Variants in SAE1 observed in about 807,000 individuals in gnomAD.
SAE1 encodes SUMO1 activating enzyme subunit 1, also known as SUMO-activating enzyme subunit 1.
In SAE1, 11 loss-of-function variants were observed where a neutral mutation model predicts 40.6. That is an observed-to-expected ratio of 0.27 (90% CI 0.17 to 0.45). The LOEUF (loss-of-function observed/expected upper bound fraction) is 0.45. Among genes scored for constraint, SAE1 ranks in the 20% least tolerant of loss-of-function variants. SAE1 has a pLI of 1.00. For synonymous variants in SAE1, 155 were observed against 154.3 expected (o/e 1.00, Z -0.03); for missense variants, 373 against 427.3 (o/e 0.87, Z 1.12).
intron 6 of SAE1, among the ~76,000 whole-genome samples, chr19:47,181,476 C>CTTT (rs202245801): frequency 1.4e-4 from 14 of 99,726 alleles, no homozygotes; most frequent in East Asian, 3.0e-4. Flanking sequence ...TTTTCTTTTC[C>CTTT]TTTTTTTTTT....
At chr19:47,196,757 C>T (rs1447486035) in intron 6 of SAE1, among the ~76,000 whole-genome samples, 3 of 152,000 alleles carry the variant, frequency 2.0e-5, no homozygotes, top group Non-Finnish European at 1.5e-5. Flanking sequence ...ATTGTTTCCT[C>T]GGGGAAGCCT....
At chr19:47,194,747 C>CTTTTTTTTTTTT in intron 6 of SAE1, among the ~76,000 whole-genome samples, 1 of 124,898 alleles carries the variant, frequency 8.0e-6, no homozygotes, top group African/African-American at 3.0e-5. Context: ...GTTAATCAGT[C>CTTTTTTTTTTTT]TTTTTTTTTT....
rs115094772 is a variant in SAE1, at chr19:47,199,578, T to C, written c.878+2201T>C. 4.0e-3 allele frequency among the ~76,000 whole-genome samples: 601 copies of C among 152,146 alleles called. 5 individuals carry two copies. Among genetic ancestry groups the C allele is most frequent in the African/African-American group, 0.014 (566 of 41,508 alleles). On this transcript the variant is annotated intron_variant, in intron 7 of 8. Transcript: ENST00000270225. ...TAGGAAGCAGGGCCTTCAACTCTGC[T>C]GGCCGGTGATGCAGAGCCAGACCGT...
chr19:47,196,538 AT>A (rs1275653902), intron 6 of SAE1, among the ~76,000 whole-genome samples: 1 of 145,726 alleles, frequency 6.9e-6, no homozygotes, highest in African/African-American at 2.5e-5. Flanking sequence ...TAATTTTTGT[AT>A]TTTTAGTAGA....
At chr19:47,205,369 A>G (rs2058680657) in intron 8 of SAE1, among the ~76,000 whole-genome samples, 1 of 148,026 alleles carries the variant, frequency 6.8e-6, no homozygotes, top group South Asian at 2.1e-4. Flanking sequence ...TCTCTGGTCT[A>G]AATTCTTCCT....
intron 8 of SAE1, among the ~76,000 whole-genome samples, chr19:47,204,660 C>T (rs981171156): frequency 1.3e-5 from 2 of 151,694 alleles, no homozygotes; most frequent in Non-Finnish European, 2.9e-5. Flanking sequence ...GTTCCCACCA[C>T]CACACCAGGC....
chr19:47,204,498 G>A (rs1262166963), intron 8 of SAE1, among the ~76,000 whole-genome samples: 1 of 75,584 alleles, frequency 1.3e-5, no homozygotes, highest in African/African-American at 5.7e-5. Flanking sequence ...GTACCCAGCC[G>A]CACCCCCCCC....
At chr19:47,143,679 G>T in intron 2 of SAE1, 74 bp downstream of exon 2, 2 of 1,087,574 alleles carry the variant, frequency 1.8e-6, no homozygotes, top group Non-Finnish European at 1.4e-6. Context: ...GATTTTGTGA[G>T]TTCCTCCTTG....
In SAE1 at chr19:47,130,974, A is replaced by C. The variant is rs1371594284; in HGVS notation, c.44A>C (p.Glu15Ala). Residue 15 changes from glutamate to alanine, a missense_variant, in exon 1 of 9, where the codon GAG (glutamate) becomes GCG (alanine). This residue lies in a region of SAE1 where 4 missense variants were observed against 18.7 expected (regional missense o/e 0.21). Transcript: ENST00000270225. ...EEAGGGISEE[E>A]AAQYDRQIRL... is the part of the protein sequence containing the mutation. ...GCTGGCGGCGGCATTAGCGAGGAGG[A>C]GGCGGCACAGTATGACCGGCAGATC... 1 of 1,549,128 alleles carries C rather than the reference A, an allele frequency of 6.5e-7. No individual in the cohort carries two copies. The highest frequency in any genetic ancestry group is 8.7e-7 in the Non-Finnish European group (1 of 1,146,236).
chr19:47,138,201 G>A (rs1044169590), intron 1 of SAE1, among the ~76,000 whole-genome samples: 2 of 151,950 alleles, frequency 1.3e-5, no homozygotes, highest in Admixed American at 1.3e-4. Context: ...CTGCTACCGC[G>A]CCCAGCTAAT....
intron 6 of SAE1, among the ~76,000 whole-genome samples, chr19:47,173,987 C>T (rs1348877526): frequency 7.3e-5 from 11 of 151,524 alleles, no homozygotes; most frequent in Non-Finnish European, 5.9e-5. Flanking sequence ...GGTTTCACCG[C>T]GTTAGCCAGG....
At chr19:47,163,594 G>T (rs2058372161) in intron 5 of SAE1, among the ~76,000 whole-genome samples, 1 of 152,034 alleles carries the variant, frequency 6.6e-6, no homozygotes, top group African/African-American at 2.4e-5. Context: ...GGGCATGGTG[G>T]CTCACACCTG....
intron 2 of SAE1, among the ~76,000 whole-genome samples, chr19:47,147,392 A>G (rs1212118252): frequency 6.6e-6 from 1 of 150,682 alleles, no homozygotes; most frequent in Non-Finnish European, 1.5e-5. Flanking sequence ...TTTTTTGTAG[A>G]GACTGGGTTT....
chr19:47,189,895 G>C (rs2058568910), intron 6 of SAE1, among the ~76,000 whole-genome samples: 1 of 152,192 alleles, frequency 6.6e-6, no homozygotes, highest in African/African-American at 2.4e-5. Context: ...TAATGTTGCT[G>C]TCCAGATTCC....
At chr19:47,200,172 ATCCACCTGCCTCGGCC>A (rs1234498952) in intron 7 of SAE1, among the ~76,000 whole-genome samples, 1 of 150,758 alleles carries the variant, frequency 6.6e-6, no homozygotes, top group Admixed American at 6.6e-5. Flanking sequence ...TGACCTCATG[ATCCACCTGCCTCGGCC>A]TCCCAAAGTG....
intron 1 of SAE1, among the ~76,000 whole-genome samples, chr19:47,137,711 G>A (rs1410387867): frequency 7.8e-6 from 1 of 128,164 alleles, no homozygotes; most frequent in Non-Finnish European, 1.8e-5. Context: ...GATTGTGTGT[G>A]TGTGTGTGTG....
chr19:47,184,293 ATGT>A, intron 6 of SAE1, among the ~76,000 whole-genome samples: 1 of 152,322 alleles, frequency 6.6e-6, no homozygotes, highest in Admixed American at 6.5e-5. Context: ...GAGGTTAAGA[ATGT>A]GGTGACTTTT....
In SAE1 at chr19:47,140,199, C is replaced by T. The variant is rs538364292; in HGVS notation, c.99-3295C>T. Among the ~76,000 whole-genome samples, 6 of 151,836 alleles carry T rather than the reference C, an allele frequency of 4.0e-5. No individual in the cohort carries two copies. The East Asian group carries it at 5.8e-4, about 15-fold the overall frequency. ...TCGGCTCACTGCAAACTCCACCTCC[C>T]GGGTTCACGCCATTCTCTTGCCTTA... is the stretch of plus-strand genomic sequence containing the variant. On this transcript the variant is annotated intron_variant, in intron 1 of 8. Coordinates refer to ENST00000270225, the MANE Select transcript of SAE1 (RefSeq NM_005500.3).
intron 5 of SAE1, among the ~76,000 whole-genome samples, chr19:47,165,557 G>A (rs757559519): frequency 2.0e-5 from 3 of 152,172 alleles, no homozygotes; most frequent in Non-Finnish European, 4.4e-5. Context: ...GTTCATTCCA[G>A]TGGATAGTGG....
Sources: gnomAD v4.1 joint callset for allele counts (sites outside exome capture counted in the v4.1 genomes callset) on GRCh38, gnomAD v4.1.1 for gene constraint, gnomAD v4.1.1 regional missense constraint, MANE v1.5 for transcripts, NCBI Gene and HGNC (gene_info 2026-07-23, HGNC 2026-07-21) for gene names.